Variants in ZNF184 observed in about 807,000 individuals in gnomAD.
ZNF184 encodes zinc finger protein 184.
A neutral mutation model predicts 54.4 loss-of-function variants in ZNF184; 16 were observed. That is an observed-to-expected ratio of 0.29 (90% CI 0.20 to 0.45). The LOEUF is 0.45. Among genes scored for constraint, ZNF184 ranks in the 20% least tolerant of loss-of-function variants. ZNF184 has a pLI of 1.00. For synonymous variants in ZNF184, 254 were observed against 295.3 expected, an observed-to-expected ratio of 0.86 and a Z score of 1.43; for missense variants, 681 against 888.2, an observed-to-expected ratio of 0.77 and a Z score of 2.97.
chr6:27,445,386 CA>C, the ZNF184 span, among the ~76,000 whole-genome samples: 1 of 152,164 alleles, frequency 6.6e-6, no homozygotes, highest in African/African-American at 2.4e-5. Context: ...ATGTCTCCTC[CA>C]AAACTCATGT....
Position 27,453,348 on chromosome 6 carries a change from A to C in ZNF184, c.299-88T>G. The C allele has an allele frequency of 7.7e-7, 1 of 1,290,662 alleles. No homozygotes were observed. The highest frequency in any genetic ancestry group is 2.6e-5 in the East Asian group (1 of 38,736). The allele number at this position is 1,290,662 out of a possible 1,614,324, so 80.0% of individuals were successfully genotyped here. On this transcript the variant is annotated intron_variant, in intron 5 of 5. Transcript: ENST00000683788. The surrounding 1 kb of genome is among the most constrained non-coding windows in gnomAD (Gnocchi z 4.7). Reference sequence around the variant, plus strand: ...AATAATATAATGATACTGAAAAATAAATCTCTCAGAAAATTCTAATGGTTT... The same window carrying C: ...AATAATATAATGATACTGAAAAATACATCTCTCAGAAAATTCTAATGGTTT...
chr6:27,457,359 C>A lies in ZNF184; in HGVS notation c.126G>T (p.Trp42Cys). The change falls in exon 4 of 6, where the codon TGG becomes TGT. Residue 42 changes from tryptophan (W) to cysteine (C), a missense_variant. Trp to Cys is a radical substitution (Grantham distance 215, BLOSUM62 -2). Transcript: ENST00000683788. ...DVIVDFTQEE[W>C]KQLDPGQRDL... The stretch of plus-strand genomic sequence containing the variant: ...CTCTCTGGCCAGGGTCCAGCTGTTT[C>A]CATTCTTCCTGGGTAAAGTCCACTA... 1 of 1,614,026 alleles carries A rather than the reference C, an allele frequency of 6.2e-7. No homozygotes were observed. The highest frequency in any genetic ancestry group is 8.5e-7 in the Non-Finnish European group (1 of 1,179,980).
intron 2 of ZNF184, among the ~76,000 whole-genome samples, chr6:27,471,297 G>A (rs1348638466): frequency 6.6e-6 from 1 of 152,138 alleles, no homozygotes; most frequent in Non-Finnish European, 1.5e-5. Context: ...TAATCATTCT[G>A]AAAGCCTAAA....
the ZNF184 span, among the ~76,000 whole-genome samples, chr6:27,422,546 C>T: frequency 7.2e-5 from 11 of 152,044 alleles, no homozygotes; most frequent in South Asian, 2.1e-3. Flanking sequence ...AGGATTTTGC[C>T]GTTTTACCTT....
downstream of ZNF184, among the ~76,000 whole-genome samples, chr6:27,449,750 CTTAAA>C (rs1368221287): frequency 6.6e-6 from 1 of 151,176 alleles, no homozygotes; most frequent in Non-Finnish European, 1.5e-5. Context: ...GACCCTGTCT[CTTAAA>C]TTAAAGAAAA....
the ZNF184 span, among the ~76,000 whole-genome samples, chr6:27,411,643 G>A: frequency 0.048 from 7,344 of 152,322 alleles, 256 homozygotes; most frequent in Non-Finnish European, 0.072. Context: ...TAGAAGGCCC[G>A]AGGGTAACAG....
At position 27,452,189 on chromosome 6, in the gene ZNF184, T is replaced by G; in HGVS notation, c.1370A>C (p.Tyr457Ser). Residue 457 changes from tyrosine (Y) to serine (S), a missense_variant, in exon 6 of 6, where the codon TAC becomes TCC. By Grantham distance (144) the Tyr-to-Ser change is moderately radical (BLOSUM62 -2). Transcript: ENST00000683788. This position sits in a 1 kb window ranked among gnomAD's most constrained non-coding sequence, Gnocchi z 5.5. Reference protein sequence around the residue: ...DCAECGKSFSYWSSLAQHLKI... With the variant: ...DCAECGKSFSSWSSLAQHLKI... ...CAGGTGTTGAGCAAGGGATGACCAG[T>G]AACTAAAAGATTTTCCACATTCTGC... 2 of 1,614,136 alleles carry G rather than the reference T, an allele frequency of 1.2e-6. No individual in the cohort carries two copies. The highest frequency in any genetic ancestry group is 1.1e-5 in the South Asian group (1 of 91,076).
rs369827422 is a variant in ZNF184, at chr6:27,452,161, T to C, written c.1398A>G (p.Lys466=). Residue 466 remains lysine (K), a synonymous_variant, in exon 6 of 6, where the codon AAA becomes AAG. Coordinates refer to ENST00000683788, the MANE Select transcript of ZNF184 (RefSeq NM_001318891.2). This position sits in a 1 kb window ranked among gnomAD's most constrained non-coding sequence, Gnocchi z 5.5. The stretch of plus-strand genomic sequence containing the variant: ...TGTAAGGTTTTTCTCCAGTATGAAT[T>C]TTCAGGTGTTGAGCAAGGGATGACC... ...SYWSSLAQHL[K]IHTGEKPYKC... is the part of the protein sequence containing the mutation. The C allele has an allele frequency of 6.2e-7, 1 of 1,614,068 alleles. No homozygotes were observed. The highest frequency in any genetic ancestry group is 2.2e-5 in the East Asian group (1 of 44,870).
At chr6:27,447,935 C>T (rs1023745392), downstream of ZNF184, among the ~76,000 whole-genome samples, 15 of 152,056 alleles carry the variant, frequency 9.9e-5, no homozygotes, top group African/African-American at 3.6e-4. Flanking sequence ...GGAATTAATA[C>T]TCAGGATAAT....
chr6:27,453,484 T>C lies in ZNF184; in HGVS notation c.299-224A>G, dbSNP rs1002797861. ...GTCTAATTCAATTTCATAGATAATC[T>C]TCAAGAACCAGTAAGGAAATACATT... On this transcript the variant is annotated intron_variant, in intron 5 of 5. Coordinates refer to ENST00000683788, the MANE Select transcript of ZNF184 (RefSeq NM_001318891.2). This position sits in a 1 kb window ranked among gnomAD's most constrained non-coding sequence, Gnocchi z 4.7. Among the ~76,000 whole-genome samples the C allele has an allele frequency of 2.4e-4, 36 of 152,146 alleles. No individual in the cohort carries two copies. The highest frequency in any genetic ancestry group is 8.4e-4 in the African/African-American group (35 of 41,428).
chr6:27,460,898 A>AG (rs1426506225), intron 3 of ZNF184, among the ~76,000 whole-genome samples: 12 of 152,190 alleles, frequency 7.9e-5, no homozygotes, highest in Admixed American at 2.0e-4. Context: ...AGGGATGCCT[A>AG]GATCCTTGGT....
At chr6:27,412,767 G>T in the ZNF184 span, among the ~76,000 whole-genome samples, 74 of 152,262 alleles carry the variant, frequency 4.9e-4, 1 homozygote, top group Non-Finnish European at 4.9e-4. Context: ...GGGGCTTCCA[G>T]GTCATACATG....
chr6:27,407,550 A>G, the ZNF184 span: 2 of 448,656 alleles, frequency 4.5e-6, no homozygotes, highest in Non-Finnish European at 8.2e-6. Flanking sequence ...CAGTGTCAGC[A>G]GGACAATTAT....
the ZNF184 span, chr6:27,404,059 A>G: frequency 1.3e-5 from 2 of 152,194 alleles, no homozygotes; most frequent in Admixed American, 6.5e-5. Flanking sequence ...ATTGTGTGTA[A>G]AAAAATGACT....
chr6:27,436,597 C>A, the ZNF184 span, among the ~76,000 whole-genome samples: 1 of 152,166 alleles, frequency 6.6e-6, no homozygotes, highest in Admixed American at 6.5e-5. Context: ...AGTTGTTAAA[C>A]CATTCATACA....
chr6:27,418,700 A>G, the ZNF184 span, among the ~76,000 whole-genome samples: 4 of 151,802 alleles, frequency 2.6e-5, no homozygotes, highest in African/African-American at 9.7e-5. Flanking sequence ...TCTTTTTGCT[A>G]TTTGGTTATG....
chr6:27,424,802 C>T, the ZNF184 span, among the ~76,000 whole-genome samples: 14 of 152,244 alleles, frequency 9.2e-5, no homozygotes, highest in Admixed American at 9.2e-4. Context: ...GTGGAGCTGC[C>T]TGCCAGTCCC....
rs1298468606 is a variant in ZNF184, at chr6:27,472,424, G to A, written c.-130C>T. 8.5e-7 allele frequency: 1 copy of A among 1,177,898 alleles called. No homozygotes were observed. The highest frequency in any genetic ancestry group is 2.5e-5 in the East Asian group (1 of 39,810). 73.0% of individuals were successfully genotyped at this position (1,177,898 alleles called of 1,614,324 possible). A position where few individuals can be genotyped will look rare whatever the true frequency, so the allele number is the denominator to read the frequency against. On this transcript the variant is annotated 5_prime_UTR_variant, in exon 2 of 6. Transcript: ENST00000683788. The surrounding 1 kb of genome is among the most constrained non-coding windows in gnomAD (Gnocchi z 4.8). ...TGCAGGGAATCTGCAACACGCTGAG[G>A]TTGTCTACCCTAAAAGACACAGGAT...
the ZNF184 span, among the ~76,000 whole-genome samples, chr6:27,434,843 G>C: frequency 6.6e-6 from 1 of 152,112 alleles, no homozygotes; most frequent in Non-Finnish European, 1.5e-5. Context: ...TGTGGTGTAG[G>C]TAAGGGTTCA....
Sources: allele counts gnomAD v4.1 joint callset (sites outside exome capture counted in the v4.1 genomes callset), GRCh38; gene constraint gnomAD v4.1.1; non-coding constraint Gnocchi (gnomAD v3.1); transcripts MANE v1.5; gene names NCBI Gene and HGNC (gene_info 2026-07-23, HGNC 2026-07-21).